Variants in NUP210 observed in about 807,000 individuals in gnomAD.
NUP210 encodes nucleoporin 210.
In NUP210, 151 loss-of-function variants were observed where a neutral mutation model predicts 196.0. The ratio of observed to expected loss-of-function variants is 0.77; its 90% CI spans 0.67 to 0.88. NUP210 has a LOEUF of 0.88. Among genes scored for constraint, NUP210 ranks in the 40% least tolerant of loss-of-function variants. NUP210 has a pLI of 0.00. For synonymous variants in NUP210, 1,070 were observed against 1,052.7 expected (o/e 1.02, Z -0.32); for missense variants, 2,314 against 2,493.7 (o/e 0.93, Z 1.53).
At chr3:13,332,414 T>C (rs1350062078) in intron 28 of NUP210, 30 bp from the exon 29 acceptor site, 7 of 1,547,816 alleles carry the variant, frequency 4.5e-6, no homozygotes, top group African/African-American at 1.4e-5. Context: ...TCACTTCCGA[T>C]GGGGCACTGG....
At chr3:13,415,591 G>T (rs1346103550) in intron 1 of NUP210, among the ~76,000 whole-genome samples, 1 of 152,230 alleles carries the variant, frequency 6.6e-6, no homozygotes, top group Non-Finnish European at 1.5e-5. Context: ...ACAGGTGTGG[G>T]CTCAGGGAAG....
At chr3:13,349,249 C>T (rs1298731918) in intron 20 of NUP210, among the ~76,000 whole-genome samples, 1 of 152,214 alleles carries the variant, frequency 6.6e-6, no homozygotes, top group Non-Finnish European at 1.5e-5. Context: ...ATACTGGTTC[C>T]TCCAAGATCA....
intron 31 of NUP210, among the ~76,000 whole-genome samples, chr3:13,328,287 C>T (rs143380218): frequency 0.016 from 2,370 of 152,352 alleles, 30 homozygotes; most frequent in Non-Finnish European, 0.022. Flanking sequence ...TATTGCCCAA[C>T]GTGAGAGGTG....
intron 28 of NUP210, among the ~76,000 whole-genome samples, chr3:13,333,451 C>T (rs1359169073): frequency 1.3e-5 from 2 of 152,236 alleles, no homozygotes; most frequent in Non-Finnish European, 2.9e-5. Context: ...ATCATCGGAT[C>T]TGACGAGTGA....
chr3:13,392,716 CCTT>C (rs1233014570), intron 3 of NUP210, among the ~76,000 whole-genome samples: 1 of 152,228 alleles, frequency 6.6e-6, no homozygotes, highest in Non-Finnish European at 1.5e-5. Context: ...ACTGTGAGAA[CCTT>C]CTTCTGCACA....
At chr3:13,392,423 G>A (rs999818910) in intron 3 of NUP210, among the ~76,000 whole-genome samples, 5 of 152,156 alleles carry the variant, frequency 3.3e-5, no homozygotes, top group Admixed American at 3.3e-4. Flanking sequence ...ACATATATGC[G>A]GGAAGATTTT....
chr3:13,336,807 G>A lies in NUP210; in HGVS notation c.3664C>T (p.Leu1222Phe). 6.2e-7 allele frequency: 1 copy of A among 1,613,620 alleles called. No homozygotes were observed. The highest frequency in any genetic ancestry group is 8.5e-7 in the Non-Finnish European group (1 of 1,179,758). Residue 1222 changes from leucine to phenylalanine, a missense_variant, in exon 27 of 40, where the codon CTC becomes TTC. Transcript: ENST00000254508. Reference sequence around the variant, plus strand: ...CCTACCTCGTGGTGCCGCCCTCGGAGGTCCAGGACGTCCCGCTTGGTGACA... The same window carrying A: ...CCTACCTCGTGGTGCCGCCCTCGGAAGTCCAGGACGTCCCGCTTGGTGACA... ...WSVTKRDVLD[L>F]RGRHHEASIR...
chr3:13,354,265 C>T (rs1047884178), intron 16 of NUP210, 158 bp from the exon 17 acceptor site: 5 of 645,810 alleles, frequency 7.7e-6, no homozygotes, highest in Non-Finnish European at 1.3e-5. Flanking sequence ...CTATTGCCAC[C>T]CACCAGGTCC....
rs1444351682 is a variant in NUP210 at position 13,386,417 on chromosome 3, A to C, written c.685-10T>G. 5.0e-6 allele frequency: 8 copies of C among 1,613,804 alleles called. No homozygotes were observed. The highest frequency in any genetic ancestry group is 6.8e-6 in the Non-Finnish European group (8 of 1,179,970). ...CTGCAGGGCGTACATTCTTGGCATA[A>C]AGAAAAGGCAGACAAAGTGAGGTGC... On this transcript the variant is annotated splice_polypyrimidine_tract_variant and intron_variant, in intron 5 of 39. Coordinates refer to ENST00000254508, the MANE Select transcript of NUP210 (RefSeq NM_024923.4).
At position 13,350,232 on chromosome 3, in the gene NUP210, G is replaced by T. The variant is rs1001998703; in HGVS notation, c.2835+1647C>A. ...AATAACACAGCCTGTGTGTGTGTGT[G>T]TTCAGCAAAATAACACAGCCTGTGT... On this transcript the variant is annotated intron_variant, in intron 20 of 39. Transcript: ENST00000254508. The surrounding 1 kb of genome is among the most constrained non-coding windows in gnomAD (Gnocchi z 4.1). Among the ~76,000 whole-genome samples the T allele has an allele frequency of 6.6e-6, 1 of 151,648 alleles. No individual in the cohort carries two copies. Among genetic ancestry groups the T allele is most frequent in the African/African-American group, 2.4e-5 (1 of 41,172 alleles).
chr3:13,331,977 C>CT (rs1697013743), intron 29 of NUP210, among the ~76,000 whole-genome samples: 1 of 152,158 alleles, frequency 6.6e-6, no homozygotes, highest in African/African-American at 2.4e-5. Flanking sequence ...GGGCTACACT[C>CT]TGAGTGGCAA....
chr3:13,379,583 C>A lies in NUP210; in HGVS notation c.956G>T (p.Ser319Ile). 6.2e-7 allele frequency: 1 copy of A among 1,614,214 alleles called. No homozygotes were observed. Among genetic ancestry groups the A allele is most frequent in the Non-Finnish European group, 8.5e-7 (1 of 1,180,050 alleles). The stretch of plus-strand genomic sequence containing the variant: ...GATATTCCTGTGGCCAAGGACGAGG[C>A]TGCTCTGTCCCAGCTGCAGTGCAGT... The part of the protein sequence containing the change: ...MVTALQLGQS[S>I]LVLGHRSIRM... Residue 319 changes from serine to isoleucine, a missense_variant, in exon 7 of 40, where the codon AGC (serine) becomes ATC (isoleucine). Transcript: ENST00000254508. The surrounding 1 kb of genome is among the most constrained non-coding windows in gnomAD (Gnocchi z 4.2).
chr3:13,402,905 C>T (rs2124951314), intron 1 of NUP210, among the ~76,000 whole-genome samples: 1 of 152,268 alleles, frequency 6.6e-6, no homozygotes, highest in African/African-American at 2.4e-5. Context: ...ACCTCACAAT[C>T]ACTCAGAACA....
intron 6 of NUP210, among the ~76,000 whole-genome samples, chr3:13,381,700 G>A (rs541446886): frequency 5.7e-4 from 87 of 152,204 alleles, no homozygotes; most frequent in African/African-American, 2.0e-3. Context: ...ACAGAAAGGC[G>A]CTCCTGAGGC....
chr3:13,347,256 T>C lies in NUP210; in HGVS notation c.2836-3953A>G. ...AATCCGCAGTGCTTAACACAGCACC[T>C]GGCACACGATAAGCACTCCAGCGTC... is the stretch of plus-strand genomic sequence containing the variant. On this transcript the variant is annotated intron_variant, in intron 20 of 39. Coordinates refer to ENST00000254508, the MANE Select transcript of NUP210 (RefSeq NM_024923.4). The surrounding 1 kb of genome is among the most constrained non-coding windows in gnomAD (Gnocchi z 4.7). 14 of 985,210 alleles carry C rather than the reference T, an allele frequency of 1.4e-5. No individual in the cohort carries two copies. Among genetic ancestry groups the C allele is most frequent in the Non-Finnish European group, 1.7e-5 (14 of 829,746 alleles). The allele number at this position is 985,210 out of a possible 1,614,324, so 61.0% of individuals were successfully genotyped here. A position where few individuals can be genotyped will look rare whatever the true frequency, so the allele number is the denominator to read the frequency against.
chr3:13,325,939 G>T lies in NUP210; in HGVS notation c.4508-8C>A. The T allele has an allele frequency of 6.2e-7, 1 of 1,613,610 alleles. No homozygotes were observed. Among genetic ancestry groups the T allele is most frequent in the Non-Finnish European group, 8.5e-7 (1 of 1,179,930 alleles). On this transcript the variant is annotated splice_region_variant and splice_polypyrimidine_tract_variant and intron_variant, in intron 32 of 39. Coordinates refer to ENST00000254508, the MANE Select transcript of NUP210 (RefSeq NM_024923.4). ...TCCAGGTTCCTGAGAGGCCTGGAGA[G>T]GAAGCACAGGTGTCAGCCCCCTTTC...
chr3:13,342,393 C>T (rs944998794), intron 21 of NUP210, among the ~76,000 whole-genome samples: 2 of 152,230 alleles, frequency 1.3e-5, no homozygotes, highest in Non-Finnish European at 2.9e-5. Context: ...CCACTTAGAA[C>T]AGCAGCATCC....
Position 13,321,746 on chromosome 3 carries a change from C to T in NUP210, c.5005G>A (p.Ala1669Thr), listed in dbSNP as rs936986313. 1.9e-6 allele frequency: 3 copies of T among 1,613,742 alleles called. No homozygotes were observed. The highest frequency in any genetic ancestry group is 1.7e-6 in the Non-Finnish European group (2 of 1,180,030). ...SMKKTALVVS[A>T]SLSSSHFSTE... ...GAGAAGTGGCTGCTGGAGAGGGAGG[C>T]ACTGACCACCAGAGCTGTCTTCTTC... The change falls in exon 36 of 40, where the codon GCC becomes ACC. Residue 1669 changes from alanine (A) to threonine (T), a missense_variant. Ala to Thr is a moderately conservative substitution (Grantham distance 58). Coordinates refer to ENST00000254508, the MANE Select transcript of NUP210 (RefSeq NM_024923.4).
intron 32 of NUP210, among the ~76,000 whole-genome samples, chr3:13,326,212 G>C (rs1576344300): frequency 1.3e-5 from 2 of 152,310 alleles, no homozygotes; most frequent in Middle Eastern, 6.8e-3. Flanking sequence ...CTCCCTGCCT[G>C]GAATCTCCTG....
Sources: gnomAD v4.1 joint callset for allele counts (sites outside exome capture counted in the v4.1 genomes callset) on GRCh38, gnomAD v4.1.1 for gene constraint, Gnocchi (gnomAD v3.1) non-coding constraint, MANE v1.5 for transcripts, NCBI Gene and HGNC (gene_info 2026-07-23, HGNC 2026-07-21) for gene names.